The following ANKFN1 variants were observed in gnomAD, a reference collection of about 807,000 sequenced individuals.
ANKFN1 encodes the protein ankyrin repeat and fibronectin type III domain containing 1, also known as ankyrin repeat and fibronectin type-III domain-containing protein 1.
ANKFN1 carries 74 observed loss-of-function variants against 108.7 expected under a neutral mutation model. The ratio of observed to expected loss-of-function variants is 0.68; its 90% CI spans 0.56 to 0.83. ANKFN1 has a LOEUF of 0.83. Ranked by LOEUF, ANKFN1 falls within the 40% of genes least tolerant of loss-of-function variation. The pLI, the probability that ANKFN1 is intolerant of heterozygous loss-of-function variation, is 0.00. For synonymous variants in ANKFN1, 547 were observed against 516.2 expected (o/e 1.06, Z -0.81); for missense variants, 1,505 against 1,382.3 (o/e 1.09, Z -1.41).
At chr17:56,095,533 C>T (rs1305133180) in intron 4 of ANKFN1, among the ~76,000 whole-genome samples, 1 of 151,834 alleles carries the variant, frequency 6.6e-6, no homozygotes. Context: ...AACTCCTGGC[C>T]TCAAGCAATC....
chr17:56,477,114 A>G (rs1188246970), intron 15 of ANKFN1, among the ~76,000 whole-genome samples: 1 of 152,182 alleles, frequency 6.6e-6, no homozygotes, highest in Non-Finnish European at 1.5e-5. Flanking sequence ...ACTTGCAAAT[A>G]TCTGTTTTCT....
chr17:56,299,810 A>G (rs935247614), intron 3 of ANKFN1, among the ~76,000 whole-genome samples: 1 of 152,166 alleles, frequency 6.6e-6, no homozygotes, highest in East Asian at 1.9e-4. Flanking sequence ...TTTTATTTCT[A>G]TTCTCCATTG....
intron 4 of ANKFN1, among the ~76,000 whole-genome samples, chr17:56,050,172 T>C (rs1170178534): frequency 1.3e-5 from 2 of 151,274 alleles, no homozygotes; most frequent in Non-Finnish European, 3.0e-5. Flanking sequence ...ATGTGTTTTT[T>C]GGCTGCATAA....
intron 2 of ANKFN1, among the ~76,000 whole-genome samples, chr17:56,219,540 G>A (rs998645222): frequency 1.3e-5 from 2 of 152,088 alleles, no homozygotes; most frequent in Non-Finnish European, 2.9e-5. Flanking sequence ...AGCCACTGTG[G>A]CCAATCAATA....
chr17:56,099,640 C>T (rs1905600205), intron 4 of ANKFN1, among the ~76,000 whole-genome samples: 1 of 152,192 alleles, frequency 6.6e-6, no homozygotes, highest in Non-Finnish European at 1.5e-5. Context: ...CATTGGAGCA[C>T]AGCCTTAAAG....
chr17:56,161,376 GAT>G (rs1343035334), intron 1 of ANKFN1, among the ~76,000 whole-genome samples: 1 of 152,152 alleles, frequency 6.6e-6, no homozygotes, highest in Non-Finnish European at 1.5e-5. Flanking sequence ...GTTCAGGGAA[GAT>G]AGTCATTATT....
chr17:56,474,823 C>G (rs2050443920), intron 15 of ANKFN1, among the ~76,000 whole-genome samples: 1 of 152,146 alleles, frequency 6.6e-6, no homozygotes, highest in Non-Finnish European at 1.5e-5. Context: ...GTGATCTAGG[C>G]TGAAGAGACA....
chr17:56,130,053 G>A (rs572160457), intron 4 of ANKFN1, among the ~76,000 whole-genome samples: 4 of 152,302 alleles, frequency 2.6e-5, no homozygotes, highest in African/African-American at 7.2e-5. Context: ...TCCCAGGGCC[G>A]CTCAGACAGT....
intron 4 of ANKFN1, among the ~76,000 whole-genome samples, chr17:56,086,452 A>T (rs1378683161): frequency 6.6e-6 from 1 of 151,382 alleles, no homozygotes; most frequent in Non-Finnish European, 1.5e-5. Context: ...TTGAAAGTGG[A>T]TTGGCCCCCA....
At chr17:56,075,991 C>A (rs560158117) in intron 4 of ANKFN1, among the ~76,000 whole-genome samples, 33 of 152,254 alleles carry the variant, frequency 2.2e-4, no homozygotes, top group Non-Finnish European at 4.6e-4. Flanking sequence ...ACAGACTAAC[C>A]CTCTTGAACC....
chr17:56,252,295 GA>G (rs1481990401), intron 3 of ANKFN1: 5 of 152,192 alleles, frequency 3.3e-5, no homozygotes, highest in African/African-American at 1.2e-4. Context: ...ATGGAACCAA[GA>G]CTAGAATTCT....
At chr17:56,480,907 G>GTGTGTGTGTT in intron 17 of ANKFN1, 89 bp downstream of exon 17, 1 of 1,332,592 alleles carries the variant, frequency 7.5e-7, no homozygotes, top group Non-Finnish European at 1.0e-6. Context: ...GTGTGTGTGT[G>GTGTGTGTGTT]TGTGTGTGTG....
intron 14 of ANKFN1, among the ~76,000 whole-genome samples, chr17:56,459,861 T>C (rs2049842183): frequency 6.6e-6 from 1 of 152,196 alleles, no homozygotes; most frequent in Non-Finnish European, 1.5e-5. Flanking sequence ...AGCTTCCAAA[T>C]CTATAGACCT....
At position 56,449,135 on chromosome 17, in the gene ANKFN1, G is replaced by A. The variant is rs1598627555; in HGVS notation, c.1156G>A (p.Glu386Lys). The A allele has an allele frequency of 1.2e-6, 2 of 1,613,656 alleles. No individual in the cohort carries two copies. The highest frequency in any genetic ancestry group is 1.7e-6 in the Non-Finnish European group (2 of 1,179,706). ...PRHKGQSEVL[E>K]GLLQQVRALH... ...ACACAAGGGACAGAGTGAAGTTTTG[G>A]AAGGTCTGCTGCAGCAGGTCCGAGC... is the stretch of plus-strand genomic sequence containing the variant. Residue 386 changes from glutamate (E) to lysine (K), a missense_variant, in exon 11 of 21, where the codon GAA (glutamate) becomes AAA (lysine). Glu to Lys is a moderately conservative substitution (Grantham distance 56). Coordinates refer to ENST00000682825, the MANE Select transcript of ANKFN1 (RefSeq NM_001370326.1).
At chr17:56,255,065 G>T (rs1332641624) in intron 3 of ANKFN1, among the ~76,000 whole-genome samples, 3 of 152,160 alleles carry the variant, frequency 2.0e-5, no homozygotes, top group Non-Finnish European at 2.9e-5. Flanking sequence ...CTTATAGAAA[G>T]GACTGAGGGT....
chr17:56,279,293 G>C (rs189980216), intron 3 of ANKFN1, among the ~76,000 whole-genome samples: 4 of 152,212 alleles, frequency 2.6e-5, no homozygotes, highest in Admixed American at 6.5e-5. Flanking sequence ...ATCCCACAGA[G>C]AGAAATAATA....
chr17:56,122,260 C>A (rs367934431), intron 4 of ANKFN1, among the ~76,000 whole-genome samples: 4 of 152,154 alleles, frequency 2.6e-5, no homozygotes, highest in African/African-American at 9.7e-5. Context: ...GCCTAGAAGA[C>A]CTTTATGGCT....
At chr17:56,068,080 TG>T (rs1265085788) in intron 4 of ANKFN1, among the ~76,000 whole-genome samples, 1 of 152,150 alleles carries the variant, frequency 6.6e-6, no homozygotes, top group Non-Finnish European at 1.5e-5. Context: ...GGTGCACTCC[TG>T]GGCTTCCCAG....
intron 1 of ANKFN1, among the ~76,000 whole-genome samples, chr17:56,190,387 C>T (rs1445800801): frequency 2.1e-3 from 197 of 93,924 alleles, no homozygotes; most frequent in African/African-American, 4.7e-3. Flanking sequence ...GCTTTGAATG[C>T]GTCCCAGAGA....
Sources: allele counts gnomAD v4.1 joint callset (sites outside exome capture counted in the v4.1 genomes callset), GRCh38; gene constraint gnomAD v4.1.1; transcripts MANE v1.5; gene names NCBI Gene and HGNC (gene_info 2026-07-23, HGNC 2026-07-21).